The following COL4A6 variants were observed in gnomAD, a reference collection of about 807,000 sequenced individuals.
COL4A6 encodes the protein collagen type IV alpha 6 chain.
In COL4A6, 59 loss-of-function variants were observed where a neutral mutation model predicts 126.7. The observed-to-expected ratio is 0.47, with a 90% confidence interval of 0.38 to 0.58. The LOEUF is 0.58. COL4A6 is among the 20% of genes least tolerant of loss of function. The pLI is 0.00. For synonymous variants in COL4A6, 547 were observed against 496.6 expected, an observed-to-expected ratio of 1.10 and a Z score of -1.35; for missense variants, 1,285 against 1,337.3, an observed-to-expected ratio of 0.96 and a Z score of 0.61.
intron 5 of COL4A6, among the ~76,000 whole-genome samples, chrX:108,216,647 C>T (rs2035863805): frequency 1.8e-5 from 2 of 112,506 alleles, no homozygotes; most frequent in South Asian, 7.3e-4. Flanking sequence ...TATGTGTGTG[C>T]CAACCCTCCA....
intron 2 of COL4A6, among the ~76,000 whole-genome samples, chrX:108,320,955 A>G (rs2039012200): frequency 8.9e-6 from 1 of 111,943 alleles, no homozygotes; most frequent in Non-Finnish European, 1.9e-5. Context: ...CCTAGACATT[A>G]GGTTCCTTTG....
intron 34 of COL4A6, 24 bp from the exon 35 acceptor site, chrX:108,170,740 G>A (rs185010837): frequency 1.3e-5 from 16 of 1,198,432 alleles, no homozygotes; most frequent in African/African-American, 1.1e-4. Context: ...CAAGGCAGAG[G>A]TTCAGAATGG....
chrX:108,375,617 C>T (rs899283008), intron 2 of COL4A6, among the ~76,000 whole-genome samples: 29 of 110,554 alleles, frequency 2.6e-4, no homozygotes, highest in Admixed American at 2.5e-3. Context: ...GCAGTTCTCA[C>T]GTCTGGAGCC....
At chrX:108,298,424 G>A (rs933265484) in intron 3 of COL4A6, among the ~76,000 whole-genome samples, 3 of 112,148 alleles carry the variant, frequency 2.7e-5, no homozygotes, top group Admixed American at 9.3e-5. Context: ...AATTTCTGTC[G>A]CTTCTGCTCT....
chrX:108,175,687 G>A lies in COL4A6; in HGVS notation c.2797C>T (p.Pro933Ser), dbSNP rs768068107. ...CCAGGAGTACCAGCACGTCCAGATG[G>A]TCCCATTTTTCCAGTTGATCCTGGA... ...GIPGSTGKMG[P>S]SGRAGTPGEK... is the part of the protein sequence containing the mutation. The change falls in exon 29 of 45, where the codon CCA becomes TCA. Residue 933 changes from proline to serine, a missense_variant. Transcript: ENST00000334504. 8.3e-7 allele frequency: 1 copy of A among 1,207,071 alleles called. No homozygotes were observed. Among genetic ancestry groups the A allele is most frequent in the East Asian group, 3.0e-5 (1 of 33,756 alleles).
chrX:108,327,651 G>A (rs1467986640), intron 2 of COL4A6, among the ~76,000 whole-genome samples: 1 of 110,223 alleles, frequency 9.1e-6, no homozygotes, highest in Non-Finnish European at 1.9e-5. Flanking sequence ...GGGGGTGGCA[G>A]AGAAGAGTGA....
At chrX:108,329,427 C>G (rs995397082) in intron 2 of COL4A6, among the ~76,000 whole-genome samples, 7 of 111,670 alleles carry the variant, frequency 6.3e-5, no homozygotes, top group Non-Finnish European at 1.3e-4. Context: ...AATGTAGGGA[C>G]TTTATTTGGA....
intron 2 of COL4A6, among the ~76,000 whole-genome samples, chrX:108,380,926 G>C (rs2040547474): frequency 9.0e-6 from 1 of 111,544 alleles, no homozygotes; most frequent in South Asian, 3.8e-4. Context: ...TGCATGTAAA[G>C]CATTTGTTAC....
intron 2 of COL4A6, among the ~76,000 whole-genome samples, chrX:108,369,983 A>T (rs1346035972): frequency 8.9e-6 from 1 of 111,752 alleles, no homozygotes; most frequent in Non-Finnish European, 1.9e-5. Flanking sequence ...TCCAATCTTA[A>T]CTCCCATAAC....
intron 3 of COL4A6, among the ~76,000 whole-genome samples, chrX:108,259,346 A>G (rs2037095668): frequency 9.0e-6 from 1 of 111,707 alleles, no homozygotes; most frequent in African/African-American, 3.2e-5. Context: ...CACCCCACAA[A>G]TAAATAGTTT....
At chrX:108,187,768 G>A in intron 22 of COL4A6, 80 bp downstream of exon 22, 2 of 943,584 alleles carry the variant, frequency 2.1e-6, no homozygotes, top group Non-Finnish European at 2.9e-6. Flanking sequence ...CCTGTTTCAT[G>A]GTCCAGTGGC....
At chrX:108,425,484 T>C (rs752155071) in intron 2 of COL4A6, among the ~76,000 whole-genome samples, 1 of 110,187 alleles carries the variant, frequency 9.1e-6, no homozygotes, top group Non-Finnish European at 1.9e-5. Context: ...CTGTAATCTC[T>C]GCACTTTGGG....
In COL4A6 at chrX:108,156,982, A is replaced by G; in HGVS notation, c.*18T>C. The stretch of plus-strand genomic sequence containing the variant: ...TGAGGGGCAGGGGAGGGCAAGGGGC[A>G]GAGTGGCAGGTGCCACCCTACAGGC... On this transcript the variant is annotated 3_prime_UTR_variant, in exon 45 of 45. Coordinates refer to ENST00000334504, the MANE Select transcript of COL4A6 (RefSeq NM_033641.4). The G allele has an allele frequency of 8.3e-7, 1 of 1,203,128 alleles. No homozygotes were observed. The highest frequency in any genetic ancestry group is 1.8e-5 in the South Asian group (1 of 55,602).
chrX:108,181,028 G>T, intron 23 of COL4A6, 60 bp from the exon 24 acceptor site: 1 of 969,660 alleles, frequency 1.0e-6, no homozygotes, highest in Non-Finnish European at 1.5e-6. Context: ...TTTCTCCCTA[G>T]TACGCTCCTT....
intron 14 of COL4A6, among the ~76,000 whole-genome samples, chrX:108,196,040 G>A (rs2035205543): frequency 9.0e-6 from 1 of 111,387 alleles, no homozygotes. Context: ...ATTATTATTG[G>A]AAACTGTTGA....
At chrX:108,422,965 C>T (rs1056651748) in intron 2 of COL4A6, among the ~76,000 whole-genome samples, 1 of 112,058 alleles carries the variant, frequency 8.9e-6, no homozygotes, top group Non-Finnish European at 1.9e-5. Flanking sequence ...CAGCTGCAAA[C>T]TCCCTGACAC....
At chrX:108,275,202 A>G (rs985512849) in intron 3 of COL4A6, among the ~76,000 whole-genome samples, 2 of 111,753 alleles carry the variant, frequency 1.8e-5, no homozygotes, top group Non-Finnish European at 3.8e-5. Context: ...AAATGAAGGA[A>G]GGGAAGAAAA....
At chrX:108,386,297 T>C (rs777401242) in intron 2 of COL4A6, among the ~76,000 whole-genome samples, 1 of 112,289 alleles carries the variant, frequency 8.9e-6, no homozygotes, top group Admixed American at 9.4e-5. Flanking sequence ...ATAGCCACAC[T>C]GTCTTCCACA....
chrX:108,367,465 A>C (rs1194001291), intron 2 of COL4A6, among the ~76,000 whole-genome samples: 1 of 111,788 alleles, frequency 8.9e-6, no homozygotes, highest in Non-Finnish European at 1.9e-5. Flanking sequence ...TAAAGACAGG[A>C]ACCTGGAGAA....
Sources: allele counts gnomAD v4.1 joint callset (sites outside exome capture counted in the v4.1 genomes callset), GRCh38; gene constraint gnomAD v4.1.1; transcripts MANE v1.5; gene names NCBI Gene and HGNC (gene_info 2026-07-23, HGNC 2026-07-21).